DENND5B: variants seen among roughly 807,000 people sequenced by gnomAD.
DENND5B encodes DENN domain containing 5B.
In DENND5B, 34 loss-of-function variants were observed where a neutral mutation model predicts 140.6. The observed-to-expected ratio is 0.24, with a 90% CI of 0.18 to 0.32. The LOEUF is 0.32. Ranked by LOEUF, DENND5B falls within the 10% of genes least tolerant of loss-of-function variation. DENND5B has a pLI of 1.00. For synonymous variants in DENND5B, 551 were observed against 562.1 expected, an observed-to-expected ratio of 0.98 and a Z score of 0.28; for missense variants, 1,142 against 1,560.2, an observed-to-expected ratio of 0.73 and a Z score of 4.52.
chr12:31,500,046 G>A (rs973050451), intron 1 of DENND5B, among the ~76,000 whole-genome samples: 2 of 152,176 alleles, frequency 1.3e-5, no homozygotes, highest in Admixed American at 6.5e-5. Context: ...TTAGGACCAA[G>A]AAGGGTTTTG....
In DENND5B at chr12:31,476,784, A is replaced by G. The variant is rs76081655; in HGVS notation, c.904+2805T>C. Among the ~76,000 whole-genome samples the G allele has an allele frequency of 3.2e-3, 488 of 152,182 alleles. 2 individuals carry two copies. Among genetic ancestry groups the G allele is most frequent in the Middle Eastern group, 0.017 (5 of 292 alleles). ...ATTCTGGGCAACACAGTGAGACCCC[A>G]TCTCTAAAAATTAAAGGCAAAACAA... is the stretch of plus-strand genomic sequence containing the variant. On this transcript the variant is annotated intron_variant, in intron 3 of 20. Coordinates refer to ENST00000389082, the MANE Select transcript of DENND5B (RefSeq NM_144973.4).
intron 3 of DENND5B, among the ~76,000 whole-genome samples, chr12:31,471,792 T>G (rs913145907): frequency 6.6e-6 from 1 of 152,182 alleles, no homozygotes; most frequent in African/African-American, 2.4e-5. Flanking sequence ...CACAGATGGC[T>G]ATATGTGATC....
At chr12:31,516,219 G>A (rs1044440662) in intron 1 of DENND5B, among the ~76,000 whole-genome samples, 2 of 151,912 alleles carry the variant, frequency 1.3e-5, no homozygotes, top group Non-Finnish European at 2.9e-5. Context: ...GGTGGCTCGC[G>A]TCTGTTAGCT....
chr12:31,531,249 G>T (rs773908050), intron 1 of DENND5B, among the ~76,000 whole-genome samples: 1 of 151,954 alleles, frequency 6.6e-6, no homozygotes, highest in African/African-American at 2.4e-5. Context: ...ACCCAGGCTG[G>T]AGTGCAATGG....
At chr12:31,543,840 C>T (rs1186969816) in intron 1 of DENND5B, among the ~76,000 whole-genome samples, 4 of 152,172 alleles carry the variant, frequency 2.6e-5, no homozygotes, top group Non-Finnish European at 4.4e-5. Flanking sequence ...ACTCTCTATC[C>T]ATAAGATACA....
At chr12:31,534,227 T>C (rs1334572905) in intron 1 of DENND5B, among the ~76,000 whole-genome samples, 2 of 152,112 alleles carry the variant, frequency 1.3e-5, no homozygotes, top group Non-Finnish European at 2.9e-5. Flanking sequence ...TGGTGCGATC[T>C]CGGCTTACTG....
At chr12:31,428,818 G>A (rs745950523) in intron 8 of DENND5B, among the ~76,000 whole-genome samples, 3 of 152,088 alleles carry the variant, frequency 2.0e-5, no homozygotes, top group African/African-American at 7.2e-5. Context: ...TGCAAGCTCC[G>A]CCTCCTGGTT....
intron 1 of DENND5B, among the ~76,000 whole-genome samples, chr12:31,564,699 C>T (rs1949573114): frequency 6.6e-6 from 1 of 151,796 alleles, no homozygotes; most frequent in South Asian, 2.1e-4. Context: ...AGTGATCCTC[C>T]CACCTCAGCC....
intron 1 of DENND5B, among the ~76,000 whole-genome samples, chr12:31,588,855 A>T (rs1950496205): frequency 6.6e-6 from 1 of 152,234 alleles, no homozygotes; most frequent in Admixed American, 6.5e-5. Flanking sequence ...AAACTGTTGG[A>T]TGAATGATAC....
At chr12:31,484,002 C>T (rs993846542) in intron 2 of DENND5B, among the ~76,000 whole-genome samples, 2 of 151,592 alleles carry the variant, frequency 1.3e-5, no homozygotes, top group Non-Finnish European at 2.9e-5. Flanking sequence ...TACAGGCCTG[C>T]ACCACCATGC....
chr12:31,387,715 C>G lies in DENND5B; in HGVS notation c.3713G>C (p.Ser1238Thr), dbSNP rs1404768135. 1 of 1,613,938 alleles carries G rather than the reference C, an allele frequency of 6.2e-7. No homozygotes were observed. The highest frequency in any genetic ancestry group is 8.5e-7 in the Non-Finnish European group (1 of 1,179,910). ...CPAITRMYEESALLRDRMTVN... is the reference protein window; with the variant it reads ...CPAITRMYEETALLRDRMTVN... Reference sequence around the variant, plus strand: ...AGTCATGCGGTCTCGCAGGAGAGCGCTCTCTTCATACATTCGAGTGATGGC... The same window carrying G: ...AGTCATGCGGTCTCGCAGGAGAGCGGTCTCTTCATACATTCGAGTGATGGC... The change falls in exon 21 of 21, where the codon AGC (serine) becomes ACC (threonine). Residue 1238 changes from serine (S) to threonine (T), a missense_variant. Physicochemically the swap from Ser to Thr is moderately conservative, Grantham distance 58 (BLOSUM62 1). Coordinates refer to ENST00000389082, the MANE Select transcript of DENND5B (RefSeq NM_144973.4).
At chr12:31,561,413 C>G (rs191028993) in intron 1 of DENND5B, among the ~76,000 whole-genome samples, 1 of 152,092 alleles carries the variant, frequency 6.6e-6, no homozygotes, top group Non-Finnish European at 1.5e-5. Context: ...CACCTGAGCC[C>G]GGAAGTTCAA....
intron 3 of DENND5B, among the ~76,000 whole-genome samples, chr12:31,476,132 A>AAAAAAT (rs1468011158): frequency 6.6e-6 from 1 of 152,000 alleles, no homozygotes; most frequent in Non-Finnish European, 1.5e-5. Context: ...TCTCAATAAA[A>AAAAAAT]AAAAATAAAA....
intron 3 of DENND5B, chr12:31,465,373 A>G (rs1945211321): frequency 1.3e-5 from 2 of 152,462 alleles, no homozygotes; most frequent in African/African-American, 4.8e-5. Flanking sequence ...GTGACTGATT[A>G]TTTTTTATTT....
At chr12:31,398,451 T>C (rs1941605544) in intron 16 of DENND5B, 89 bp from the exon 17 acceptor site, 2 of 1,269,642 alleles carry the variant, frequency 1.6e-6, no homozygotes, top group African/African-American at 3.0e-5. Flanking sequence ...ACTACAGGTG[T>C]GCACCACCAC....
intron 1 of DENND5B, among the ~76,000 whole-genome samples, chr12:31,538,472 C>T (rs764753963): frequency 6.6e-6 from 1 of 151,954 alleles, no homozygotes; most frequent in South Asian, 2.1e-4. Flanking sequence ...TAAGTGCCTA[C>T]ATCAAAAAAG....
intron 1 of DENND5B, among the ~76,000 whole-genome samples, chr12:31,540,459 GC>G (rs1256069414): frequency 6.6e-6 from 1 of 152,152 alleles, no homozygotes; most frequent in Non-Finnish European, 1.5e-5. Flanking sequence ...TTCCAGACCA[GC>G]CTGGCCAACA....
At chr12:31,537,265 GAC>G (rs1262341856) in intron 1 of DENND5B, among the ~76,000 whole-genome samples, 1 of 152,066 alleles carries the variant, frequency 6.6e-6, no homozygotes, top group Admixed American at 6.5e-5. Context: ...AACTTTTCAA[GAC>G]ACAGACAGTA....
intron 3 of DENND5B, among the ~76,000 whole-genome samples, chr12:31,466,840 T>C (rs1945290148): frequency 6.6e-6 from 1 of 152,080 alleles, no homozygotes; most frequent in Non-Finnish European, 1.5e-5. Flanking sequence ...TCAGGAAACA[T>C]AATGAACCAC....
Sources: gnomAD v4.1 joint callset for allele counts (sites outside exome capture counted in the v4.1 genomes callset) on GRCh38, gnomAD v4.1.1 for gene constraint, MANE v1.5 for transcripts, NCBI Gene and HGNC (gene_info 2026-07-23, HGNC 2026-07-21) for gene names.